Variants in DCLRE1C observed in about 807,000 individuals in gnomAD.
The protein encoded by DCLRE1C is protein artemis.
In DCLRE1C, 47 loss-of-function variants were observed where a neutral mutation model predicts 61.4. That is an observed-to-expected ratio of 0.77 (90% confidence interval 0.61 to 0.98). The LOEUF is 0.98. DCLRE1C is among the 50% of genes least tolerant of loss of function. The pLI, the probability that DCLRE1C is intolerant of heterozygous loss-of-function variation, is 0.00. For missense variants in DCLRE1C, 858 were observed against 816.0 expected, an observed-to-expected ratio of 1.05 and a Z score of -0.63; for synonymous variants, 337 against 287.6, an observed-to-expected ratio of 1.17 and a Z score of -1.74.
chr10:14,900,983 G>A, downstream of DCLRE1C: 1 of 933,774 alleles, frequency 1.1e-6, no homozygotes, highest in Non-Finnish European at 1.6e-6. Flanking sequence ...CTTTTTAAAT[G>A]TGCATGCCTC....
downstream of DCLRE1C, among the ~76,000 whole-genome samples, chr10:14,901,433 C>T (rs577450940): frequency 6.6e-6 from 1 of 152,322 alleles, no homozygotes; most frequent in South Asian, 2.1e-4. Context: ...AATACTAGAA[C>T]CCAGGTCTGC....
intron 2 of DCLRE1C, chr10:14,947,507 C>T (rs1036926392): frequency 3.3e-5 from 5 of 152,258 alleles, no homozygotes; most frequent in Non-Finnish European, 7.3e-5. Flanking sequence ...GATACATAGG[C>T]TCTGCAATCA....
intron 12 of DCLRE1C, chr10:14,920,550 A>T (rs890453234): frequency 1.0e-5 from 3 of 299,466 alleles, no homozygotes; most frequent in Non-Finnish European, 1.5e-5. Flanking sequence ...TGTTCTCTGG[A>T]TCCATCCCCT....
At chr10:14,939,597 G>A (rs1564455824) in intron 4 of DCLRE1C, among the ~76,000 whole-genome samples, 1 of 152,032 alleles carries the variant, frequency 6.6e-6, no homozygotes, top group Non-Finnish European at 1.5e-5. Flanking sequence ...AGCCCAAATG[G>A]ACTTACACAA....
chr10:14,909,292 T>C lies in DCLRE1C; in HGVS notation c.1195A>G (p.Ile399Val), dbSNP rs759039414. 1.5e-5 allele frequency: 24 copies of C among 1,613,848 alleles called. No individual in the cohort carries two copies. Among genetic ancestry groups the C allele is most frequent in the Middle Eastern group, 3.3e-4 (2 of 5,974 alleles). The change falls in exon 14 of 14, where the codon ATA becomes GTA. Residue 399 changes from isoleucine to valine, a missense_variant. Physicochemically the swap from Ile to Val is conservative, Grantham distance 29. Transcript: ENST00000378278. ...TATGGAACTTTGTGCCTTAAAGGTA[T>C]TGGCAGAGGATCATCAAAGAGATAG... ...DDYLFDDPLPIPLRHKVPYPE... is the reference protein window; with the variant it reads ...DDYLFDDPLPVPLRHKVPYPE...
In DCLRE1C at chr10:14,908,625, G is replaced by T. The variant is rs765840118; in HGVS notation, c.1862C>A (p.Pro621Gln). ...ATGTGTCTCACTGCTTAGAGTAGTT[G>T]GTTCTCCAGTACTAGGAACTATTGT... ...DVTIVPSTGE[P>Q]TTLSSETHIP... The change falls in exon 14 of 14, where the codon CCA (proline) becomes CAA (glutamine). Residue 621 changes from proline to glutamine, a missense_variant. Transcript: ENST00000378278. The T allele has an allele frequency of 6.2e-7, 1 of 1,614,074 alleles. No individual in the cohort carries two copies. Among genetic ancestry groups the T allele is most frequent in the South Asian group, 1.1e-5 (1 of 91,076 alleles).
At chr10:14,936,467 TA>T in intron 5 of DCLRE1C, 70 bp downstream of exon 5, 1 of 1,340,048 alleles carries the variant, frequency 7.5e-7, no homozygotes, top group Non-Finnish European at 1.1e-6. Context: ...TTTTAGACCC[TA>T]AAAATTTATT....
rs749120397 is a variant in DCLRE1C at position 14,905,263 on chromosome 10, C to T, written c.*3145G>A. Among the ~76,000 whole-genome samples, 4 of 152,238 alleles carry T rather than the reference C, an allele frequency of 2.6e-5. No homozygotes were observed. The highest frequency in any genetic ancestry group is 5.9e-5 in the Non-Finnish European group (4 of 68,042). The stretch of plus-strand genomic sequence containing the variant: ...AAAGGCCAAGGAGTGATGGTTCATG[C>T]ATTTGAATATTAAAGGACAATTTGA... On this transcript the variant is annotated 3_prime_UTR_variant, in exon 14 of 14. Transcript: ENST00000378278.
intron 3 of DCLRE1C, among the ~76,000 whole-genome samples, chr10:14,944,738 G>C (rs529605480): frequency 1.4e-5 from 2 of 141,788 alleles, no homozygotes; most frequent in South Asian, 2.3e-4. Flanking sequence ...GCAGTGGCGT[G>C]ATCTCAGCTC....
chr10:14,900,380 C>A (rs1455810591), downstream of DCLRE1C, among the ~76,000 whole-genome samples: 1 of 152,100 alleles, frequency 6.6e-6, no homozygotes, highest in Non-Finnish European at 1.5e-5. Flanking sequence ...CAGTGTGTGC[C>A]ACAAAGTTAT....
At chr10:14,939,564 G>C (rs575414319) in intron 4 of DCLRE1C, among the ~76,000 whole-genome samples, 3 of 152,198 alleles carry the variant, frequency 2.0e-5, no homozygotes, top group African/African-American at 7.2e-5. Flanking sequence ...AAGCCACTCA[G>C]TCTACGGTAG....
exon 14 of DCLRE1C, chr10:14,898,983 T>G (rs1833798141): frequency 4.1e-6 from 2 of 489,324 alleles, no homozygotes; most frequent in Non-Finnish European, 7.2e-6. Flanking sequence ...TTGAACATCC[T>G]AATTATAATG....
At position 14,904,793 on chromosome 10, in the gene DCLRE1C, C is replaced by T. The variant is rs1306658260; in HGVS notation, c.*3615G>A. 6.6e-6 allele frequency among the ~76,000 whole-genome samples: 1 copy of T among 152,010 alleles called. No homozygotes were observed. The highest frequency in any genetic ancestry group is 1.5e-5 in the Non-Finnish European group (1 of 67,982). ...TTAGCTTATCCATCATATTGGTTTC[C>T]TGAAGATGTCAGAATTTTTCAGTGT... On this transcript the variant is annotated 3_prime_UTR_variant, in exon 14 of 14. Transcript: ENST00000378278.
At chr10:14,953,029 G>A (rs1335911615) in intron 1 of DCLRE1C, among the ~76,000 whole-genome samples, 1 of 152,196 alleles carries the variant, frequency 6.6e-6, no homozygotes, top group Admixed American at 6.5e-5. Flanking sequence ...ACTCCACAGG[G>A]TAGTGGGAGC....
In DCLRE1C at chr10:14,908,411, G is replaced by C; in HGVS notation, c.2076C>G (p.Thr692=). Residue 692 remains threonine, a synonymous_variant, in exon 14 of 14, where the codon ACC becomes ACG. Coordinates refer to ENST00000378278, the MANE Select transcript of DCLRE1C (RefSeq NM_001033855.3). ...VKKRKCSLLD[T] is the part of the protein sequence containing the mutation. ...TAGGTTGAAACGCTTTGAATTCTTAGGTATCTAAGAGTGAGCATTTTCTTT... is the reference window on the plus strand; with the variant it reads ...TAGGTTGAAACGCTTTGAATTCTTACGTATCTAAGAGTGAGCATTTTCTTT... 5 of 1,612,246 alleles carry C rather than the reference G, an allele frequency of 3.1e-6. No homozygotes were observed. The highest frequency in any genetic ancestry group is 2.7e-5 in the African/African-American group (2 of 74,884).
chr10:14,936,894 T>G (rs1399110858), intron 4 of DCLRE1C, among the ~76,000 whole-genome samples: 1 of 152,162 alleles, frequency 6.6e-6, no homozygotes, highest in African/African-American at 2.4e-5. Flanking sequence ...AGCCAAAAGG[T>G]GGAACCAGTT....
chr10:14,912,554 ATGT>A (rs1470370955), intron 13 of DCLRE1C, among the ~76,000 whole-genome samples: 2 of 152,360 alleles, frequency 1.3e-5, no homozygotes, highest in African/African-American at 2.4e-5. Flanking sequence ...GATAAATAAA[ATGT>A]TGTATGCCTG....
chr10:14,907,015 C>T lies in DCLRE1C; in HGVS notation c.*1393G>A, dbSNP rs1190047260. On this transcript the variant is annotated 3_prime_UTR_variant, in exon 14 of 14. Transcript: ENST00000378278. ...TTCCAAGTAGCGAGGACTACAGGTGCACACCACCATGTCTGGCTAACATTT... is the reference window on the plus strand; with the variant it reads ...TTCCAAGTAGCGAGGACTACAGGTGTACACCACCATGTCTGGCTAACATTT... Among the ~76,000 whole-genome samples the T allele has an allele frequency of 6.6e-6, 1 of 151,894 alleles. No individual in the cohort carries two copies. The highest frequency in any genetic ancestry group is 6.6e-5 in the Admixed American group (1 of 15,258).
exon 14 of DCLRE1C, chr10:14,899,178 G>T: frequency 1.4e-6 from 1 of 701,302 alleles, no homozygotes; most frequent in South Asian, 1.5e-5. Context: ...ATCATTAGCT[G>T]GGCATGGCGG....
Sources: gnomAD v4.1 joint callset for allele counts (sites outside exome capture counted in the v4.1 genomes callset) on GRCh38, gnomAD v4.1.1 for gene constraint, MANE v1.5 for transcripts, NCBI Gene and HGNC (gene_info 2026-07-23, HGNC 2026-07-21) for gene names.